Variants in TXNRD2 observed in about 807,000 individuals in gnomAD.
TXNRD2 encodes the protein thioredoxin reductase 2, mitochondrial.
Under a neutral mutation model 70.8 loss-of-function variants are expected in TXNRD2, and 67 were observed. The ratio of observed to expected loss-of-function variants is 0.95; its 90% CI spans 0.78 to 1.16. The LOEUF (loss-of-function observed/expected upper bound fraction) is 1.16. Among genes scored for constraint, TXNRD2 ranks in the 50% most tolerant of loss-of-function variants. TXNRD2 has a pLI of 0.00. For missense variants in TXNRD2, 644 were observed against 719.9 expected (o/e 0.89, Z 1.21); for synonymous variants, 301 against 295.8 (o/e 1.02, Z -0.18).
intron 9 of TXNRD2, among the ~76,000 whole-genome samples, 173 bp downstream of exon 9, chr22:19,898,876 A>G (rs1345201470): frequency 1.3e-5 from 2 of 152,186 alleles, no homozygotes; most frequent in Non-Finnish European, 2.9e-5. Context: ...ATCCCTGGCC[A>G]GAGGTCAGCC....
chr22:19,912,368 G>A (rs75784186), intron 7 of TXNRD2, among the ~76,000 whole-genome samples: 5,810 of 152,318 alleles, frequency 0.038, 395 homozygotes, highest in African/African-American at 0.13. Flanking sequence ...GTGGCAGGGA[G>A]AGCGAAGCAG....
At chr22:19,893,298 G>T (rs34553125) in intron 11 of TXNRD2, among the ~76,000 whole-genome samples, 15,752 of 152,276 alleles carry the variant, frequency 0.1, 914 homozygotes, top group Non-Finnish European at 0.11. Context: ...GCACAGAAAG[G>T]CCTCGGAGAA....
intron 2 of TXNRD2, among the ~76,000 whole-genome samples, chr22:19,930,516 G>T (rs750954240): frequency 6.6e-6 from 1 of 152,130 alleles, no homozygotes; most frequent in Non-Finnish European, 1.5e-5. Context: ...CTCAATGGGT[G>T]CCAGGCCAAG....
intron 11 of TXNRD2, among the ~76,000 whole-genome samples, chr22:19,892,503 C>T (rs555172630): frequency 5.9e-5 from 9 of 152,366 alleles, no homozygotes; most frequent in Admixed American, 4.6e-4. Context: ...AAAACAGACT[C>T]CTAGCAAGGG....
intron 14 of TXNRD2, among the ~76,000 whole-genome samples, chr22:19,879,542 T>G: frequency 2.2e-4 from 3 of 13,544 alleles, no homozygotes; most frequent in Admixed American, 9.6e-4. Context: ...TATCAGGATG[T>G]GGTGGGGGGC....
Position 19,941,813 on chromosome 22 carries a change from G to C in TXNRD2, c.-10C>G, listed in dbSNP as rs1344838549. 1.8e-5 allele frequency: 28 copies of C among 1,530,020 alleles called. No individual in the cohort carries two copies. Among genetic ancestry groups the C allele is most frequent in the Non-Finnish European group, 2.1e-5 (24 of 1,149,426 alleles). The allele number at this position is 1,530,020 out of a possible 1,614,324, so 94.8% of individuals were successfully genotyped here. Reference sequence around the variant, plus strand: ...CCGCCATTGCCGCCATCGTCGTGGGGCTTCTGGGGCAGCTAGGGCTGCCCG... The same window carrying C: ...CCGCCATTGCCGCCATCGTCGTGGGCCTTCTGGGGCAGCTAGGGCTGCCCG... On this transcript the variant is annotated 5_prime_UTR_variant, in exon 1 of 18. Transcript: ENST00000400521.
chr22:19,911,074 A>G, intron 8 of TXNRD2: 1 of 227,846 alleles, frequency 4.4e-6, no homozygotes, highest in Non-Finnish European at 8.4e-6. Flanking sequence ...GAATTCACCT[A>G]AAAAAAAAAG....
At chr22:19,890,516 C>T (rs974706744) in intron 11 of TXNRD2, among the ~76,000 whole-genome samples, 2 of 152,138 alleles carry the variant, frequency 1.3e-5, no homozygotes, top group Non-Finnish European at 2.9e-5. Context: ...CTTGGTTTCA[C>T]GCAGCTGCAG....
intron 7 of TXNRD2, among the ~76,000 whole-genome samples, chr22:19,912,754 T>C (rs1203681305): frequency 6.6e-6 from 1 of 152,224 alleles, no homozygotes; most frequent in East Asian, 1.9e-4. Flanking sequence ...TAGAGGCTGC[T>C]GTGGCTGCCT....
intron 11 of TXNRD2, among the ~76,000 whole-genome samples, chr22:19,888,672 C>T (rs1034382509): frequency 3.9e-5 from 6 of 152,162 alleles, no homozygotes; most frequent in South Asian, 4.1e-4. Context: ...GGCCGGTGGG[C>T]GATGCGAGGC....
intron 1 of TXNRD2, chr22:19,941,478 T>C (rs1452521719): frequency 7.3e-6 from 5 of 689,188 alleles, no homozygotes; most frequent in Non-Finnish European, 8.5e-6. Context: ...AGCAGGACCT[T>C]AGACAAGGCA....
chr22:19,932,678 G>A (rs1226800128), intron 1 of TXNRD2: 2 of 930,400 alleles, frequency 2.1e-6, no homozygotes, highest in Non-Finnish European at 1.5e-6. Flanking sequence ...TATAAAACAA[G>A]TAGTGCCCTC....
intron 2 of TXNRD2, among the ~76,000 whole-genome samples, chr22:19,920,363 T>C (rs1420419901): frequency 6.6e-6 from 1 of 152,026 alleles, no homozygotes; most frequent in African/African-American, 2.4e-5. Context: ...GTATCACTTG[T>C]GGTCAGGAGT....
intron 5 of TXNRD2, chr22:19,916,324 C>T (rs1241588929): frequency 5.9e-6 from 1 of 170,618 alleles, no homozygotes; most frequent in Non-Finnish European, 1.3e-5. Context: ...ATGACCCACG[C>T]TTTCTTTTCT....
intron 8 of TXNRD2, among the ~76,000 whole-genome samples, chr22:19,910,312 G>T: frequency 6.6e-6 from 1 of 152,200 alleles, no homozygotes; most frequent in East Asian, 1.9e-4. Flanking sequence ...TGTTGTTTCT[G>T]AGGCCTTTGG....
At chr22:19,904,023 G>A (rs1416553334) in intron 8 of TXNRD2, among the ~76,000 whole-genome samples, 1 of 152,212 alleles carries the variant, frequency 6.6e-6, no homozygotes, top group African/African-American at 2.4e-5. Context: ...AAAGGCAAAC[G>A]GGCTGGCACA....
intron 8 of TXNRD2, among the ~76,000 whole-genome samples, chr22:19,903,533 G>T (rs1197402255): frequency 1.3e-5 from 2 of 152,250 alleles, no homozygotes; most frequent in African/African-American, 2.4e-5. Flanking sequence ...CACACTGGCG[G>T]GGCCCAAGTC....
chr22:19,881,433 A>C, intron 12 of TXNRD2: 1 of 209,410 alleles, frequency 4.8e-6, no homozygotes, highest in African/African-American at 2.3e-5. Flanking sequence ...CATCTCATTA[A>C]ACAATAGCCC....
Position 19,898,055 on chromosome 22 carries a change from AG to A in TXNRD2, c.757del (p.Leu253SerfsTer13). On this transcript the variant is annotated frameshift_variant, in exon 10 of 18. Coordinates refer to ENST00000400521, the MANE Select transcript of TXNRD2 (RefSeq NM_006440.5). LOFTEE classifies it high-confidence loss of function. ...CAGCACTACCTGGTCGAAGCCGCGG[AG>A]GGGGATGCTGCGCATCATGATGGTG... The part of the protein sequence containing the change: ...DTTIMMRSIP[L>X]RGFDQQMSSM... 6.4e-7 allele frequency: 1 copy of A among 1,559,368 alleles called. No individual in the cohort carries two copies. Among genetic ancestry groups the A allele is most frequent in the Non-Finnish European group, 8.7e-7 (1 of 1,152,152 alleles).
Sources: gnomAD v4.1 joint callset for allele counts (sites outside exome capture counted in the v4.1 genomes callset) on GRCh38, gnomAD v4.1.1 for gene constraint, MANE v1.5 for transcripts, NCBI Gene and HGNC (gene_info 2026-07-23, HGNC 2026-07-21) for gene names.